Variants in SNX9 observed in about 807,000 individuals in gnomAD.
SNX9 encodes the protein sorting nexin-9.
A neutral mutation model predicts 89.4 loss-of-function variants in SNX9; 44 were observed. The ratio of observed to expected loss-of-function variants is 0.49; its 90% CI spans 0.39 to 0.63. The LOEUF (loss-of-function observed/expected upper bound fraction) is 0.63, where lower values mean the gene tolerates loss of function less well. SNX9 is among the 30% of genes least tolerant of loss of function. SNX9 has a pLI of 0.00. For synonymous variants in SNX9, 236 were observed against 247.8 expected, an observed-to-expected ratio of 0.95 and a Z score of 0.45; for missense variants, 578 against 736.1, an observed-to-expected ratio of 0.79 and a Z score of 2.49.
At chr6:157,866,221 C>T (rs1185111786) in intron 1 of SNX9, among the ~76,000 whole-genome samples, 2 of 152,140 alleles carry the variant, frequency 1.3e-5, no homozygotes, top group African/African-American at 4.8e-5. Context: ...TGAGGAAGAG[C>T]CTGCAAGAGC....
At chr6:157,857,538 A>G (rs548681003) in intron 1 of SNX9, among the ~76,000 whole-genome samples, 1 of 152,182 alleles carries the variant, frequency 6.6e-6, no homozygotes, top group South Asian at 2.1e-4. Flanking sequence ...TTTTTCCTTC[A>G]GATAGTTACT....
chr6:157,870,938 G>T (rs1282561660), intron 2 of SNX9, among the ~76,000 whole-genome samples: 4 of 152,236 alleles, frequency 2.6e-5, no homozygotes, highest in Non-Finnish European at 5.9e-5. Flanking sequence ...ACGCACACTC[G>T]CATGCTCACA....
intron 6 of SNX9, among the ~76,000 whole-genome samples, chr6:157,904,432 C>CAA (rs202231815): frequency 6.9e-6 from 1 of 145,526 alleles, no homozygotes; most frequent in African/African-American, 2.5e-5. Context: ...ACTCTGTCTC[C>CAA]AAAAAAAAAA....
At chr6:157,876,472 C>T (rs1782524471) in intron 4 of SNX9, among the ~76,000 whole-genome samples, 1 of 152,152 alleles carries the variant, frequency 6.6e-6, no homozygotes, top group Non-Finnish European at 1.5e-5. Context: ...GTCAATTGAC[C>T]TTCCAAGTGA....
chr6:157,923,256 GTAGAACTACA>G (rs2115193661), intron 10 of SNX9, among the ~76,000 whole-genome samples: 1 of 152,284 alleles, frequency 6.6e-6, no homozygotes, highest in African/African-American at 2.4e-5. Flanking sequence ...AAATGACACT[GTAGAACTACA>G]TAGAAACTAT....
At chr6:157,927,790 G>A (rs1044895225) in intron 11 of SNX9, among the ~76,000 whole-genome samples, 4 of 134,970 alleles carry the variant, frequency 3.0e-5, no homozygotes, top group African/African-American at 5.7e-5. Context: ...GCAGTGGCAC[G>A]ATCTCCGCTC....
chr6:157,922,930 T>A (rs946766311), intron 10 of SNX9, among the ~76,000 whole-genome samples: 1 of 152,226 alleles, frequency 6.6e-6, no homozygotes, highest in Non-Finnish European at 1.5e-5. Context: ...ACCTCCAAGT[T>A]TGTTGCCTTC....
intron 2 of SNX9, among the ~76,000 whole-genome samples, chr6:157,869,591 G>C (rs3792932): frequency 6.6e-6 from 1 of 152,024 alleles, no homozygotes; most frequent in Non-Finnish European, 1.5e-5. Context: ...TCCTGCCAGC[G>C]CCCTGAGCTA....
chr6:157,864,077 A>G (rs189588038), intron 1 of SNX9, among the ~76,000 whole-genome samples: 4 of 152,360 alleles, frequency 2.6e-5, no homozygotes, highest in Admixed American at 2.0e-4. Flanking sequence ...TATAAAGAAC[A>G]GAATTTATTC....
chr6:157,919,023 C>T (rs1783529764), intron 9 of SNX9, among the ~76,000 whole-genome samples: 1 of 152,046 alleles, frequency 6.6e-6, no homozygotes, highest in African/African-American at 2.4e-5. Context: ...TCTATAGAAT[C>T]TTTTACATTA....
intron 16 of SNX9, 37 bp from the exon 17 acceptor site, chr6:157,940,846 G>A (rs373735580): frequency 6.3e-7 from 1 of 1,589,004 alleles, no homozygotes. Context: ...TTGAAAACTT[G>A]AGGGAAAACT....
chr6:157,937,162 A>G (rs1034289381), intron 14 of SNX9, among the ~76,000 whole-genome samples: 6 of 152,234 alleles, frequency 3.9e-5, no homozygotes, highest in African/African-American at 1.4e-4. Context: ...AACTTCCTTC[A>G]TGGTGGTATT....
Position 157,823,290 on chromosome 6 carries a change from C to A in SNX9, c.-145C>A, listed in dbSNP as rs1562584371. On this transcript the variant is annotated 5_prime_UTR_variant, in exon 1 of 18. Transcript: ENST00000392185. The surrounding 1 kb of genome is among the most constrained non-coding windows in gnomAD (Gnocchi z 4.6). ...GCGGCTGGGCCTGAGCGTCGAGACT[C>A]GGGGCCGAGGCGGAGGAGCGGCCGC... The A allele has an allele frequency of 5.0e-6, 3 of 594,112 alleles. No individual in the cohort carries two copies. The highest frequency in any genetic ancestry group is 6.8e-6 in the Non-Finnish European group (3 of 438,476). 36.8% of individuals were successfully genotyped at this position (594,112 alleles called of 1,614,324 possible).
intron 5 of SNX9, among the ~76,000 whole-genome samples, chr6:157,897,590 C>T (rs1168314714): frequency 6.6e-6 from 1 of 152,190 alleles, no homozygotes; most frequent in Non-Finnish European, 1.5e-5. Context: ...TCACTGCAAC[C>T]TCCGCCTCCC....
intron 4 of SNX9, among the ~76,000 whole-genome samples, chr6:157,896,460 A>G (rs1311500969): frequency 1.3e-5 from 2 of 152,246 alleles, no homozygotes; most frequent in African/African-American, 2.4e-5. Flanking sequence ...GAATGTGTAC[A>G]TGTGCAGCTG....
intron 1 of SNX9, among the ~76,000 whole-genome samples, chr6:157,863,069 C>T (rs1352473688): frequency 6.6e-6 from 1 of 152,198 alleles, no homozygotes; most frequent in Non-Finnish European, 1.5e-5. Context: ...TTCTCCACAC[C>T]TCAGCCAGTT....
At chr6:157,867,762 A>G in intron 2 of SNX9, 129 bp downstream of exon 2, 1 of 754,232 alleles carries the variant, frequency 1.3e-6, no homozygotes, top group South Asian at 3.8e-5. Flanking sequence ...ATTTTTTTGT[A>G]AGTTAATCAT....
intron 5 of SNX9, among the ~76,000 whole-genome samples, chr6:157,900,678 A>T (rs570982151): frequency 6.6e-6 from 1 of 152,316 alleles, no homozygotes; most frequent in Admixed American, 6.5e-5. Flanking sequence ...TAATTCTTTA[A>T]CATAACATCT....
At chr6:157,825,557 T>C (rs748920433) in intron 1 of SNX9, among the ~76,000 whole-genome samples, 5 of 151,440 alleles carry the variant, frequency 3.3e-5, no homozygotes, top group African/African-American at 9.7e-5. Context: ...CCTACTTCGT[T>C]ATCTACACCA....
Sources: gnomAD v4.1 joint callset for allele counts (sites outside exome capture counted in the v4.1 genomes callset) on GRCh38, gnomAD v4.1.1 for gene constraint, Gnocchi (gnomAD v3.1) non-coding constraint, MANE v1.5 for transcripts, NCBI Gene and HGNC (gene_info 2026-07-23, HGNC 2026-07-21) for gene names.